PDC: variants seen among roughly 807,000 people sequenced by gnomAD.
PDC encodes phosducin, also known as 33 kDa phototransducing protein.
A neutral mutation model predicts 22.2 loss-of-function variants in PDC; 19 were observed. That is an observed-to-expected ratio of 0.86 (90% CI 0.60 to 1.26). PDC has a LOEUF of 1.26. Among genes scored for constraint, PDC ranks in the 50% most tolerant of loss-of-function variants. The pLI is 0.00. For missense variants in PDC, 274 were observed against 286.8 expected (o/e 0.96, Z 0.32); for synonymous variants, 97 against 96.2 (o/e 1.01, Z -0.05).
intron 1 of PDC, among the ~76,000 whole-genome samples, chr1:186,455,994 A>AAAAAAAAAAAAAAT (rs1553242743): frequency 1.3e-5 from 1 of 77,092 alleles, no homozygotes; most frequent in African/African-American, 6.9e-5. Flanking sequence ...AAAAAAAAAA[A>AAAAAAAAAAAAAAT]ATATATATAT....
In PDC at chr1:186,443,968, A is replaced by G. The variant is rs776292104; in HGVS notation, c.*11T>C. ...TAAAGGATAAACATGAGATATTGAC[A>G]TAGTGAATCTTCATTCAACATCTTC... On this transcript the variant is annotated 3_prime_UTR_variant, in exon 4 of 4. Transcript: ENST00000391997. 8 of 1,579,586 alleles carry G rather than the reference A, an allele frequency of 5.1e-6. No homozygotes were observed. The highest frequency in any genetic ancestry group is 2.2e-5 in the East Asian group (1 of 44,712).
chr1:186,444,857 T>G (rs1662189492), intron 3 of PDC, among the ~76,000 whole-genome samples: 1 of 152,188 alleles, frequency 6.6e-6, no homozygotes, highest in Non-Finnish European at 1.5e-5. Flanking sequence ...GTTCATCAGA[T>G]CATCCAAGAG....
intron 1 of PDC, among the ~76,000 whole-genome samples, chr1:186,453,313 G>A (rs1266102064): frequency 6.6e-6 from 1 of 152,122 alleles, no homozygotes; most frequent in Non-Finnish European, 1.5e-5. Flanking sequence ...TACAAAGGAA[G>A]TGAGTAAAAT....
chr1:186,445,397 G>A (rs1173940751), intron 3 of PDC, among the ~76,000 whole-genome samples: 3 of 152,144 alleles, frequency 2.0e-5, no homozygotes, highest in Non-Finnish European at 4.4e-5. Flanking sequence ...TTTTACAGAA[G>A]ACACTGAGAT....
chr1:186,448,538 A>C, intron 2 of PDC: 19 of 184,886 alleles, frequency 1.0e-4, no homozygotes, highest in Non-Finnish European at 1.9e-4. Context: ...GACAGCAGAT[A>C]TTTCCTTCCT....
intron 3 of PDC, 101 bp from the exon 4 acceptor site, chr1:186,444,607 T>C (rs1662183441): frequency 1.9e-5 from 14 of 735,142 alleles, no homozygotes; most frequent in Non-Finnish European, 2.8e-5. Flanking sequence ...TGCTCTTTTT[T>C]TTCTGCCTGG....
In PDC at chr1:186,456,107, A is replaced by G. The variant is rs12757341; in HGVS notation, c.-25+4952T>C. Among the ~76,000 whole-genome samples, 12 of 148,790 alleles carry G rather than the reference A, an allele frequency of 8.1e-5. No individual in the cohort carries two copies. The South Asian group carries it at 2.5e-3, about 31-fold the overall frequency. Reference sequence around the variant, plus strand: ...CCAGTTACTGGCTTGTTTTGATGTTAAGGAAAATAATAGTATTCTATACTA... The same window carrying G: ...CCAGTTACTGGCTTGTTTTGATGTTGAGGAAAATAATAGTATTCTATACTA... On this transcript the variant is annotated intron_variant, in intron 1 of 3. Transcript: ENST00000391997.
intron 2 of PDC, among the ~76,000 whole-genome samples, chr1:186,448,058 C>A (rs780160480): frequency 1.3e-5 from 2 of 152,070 alleles, no homozygotes; most frequent in Non-Finnish European, 2.9e-5. Context: ...ACTGTTTAAT[C>A]GTGATCTACA....
Position 186,444,504 on chromosome 1 carries a change from C to T in PDC, c.216G>A (p.Met72Ile), listed in dbSNP as rs1662179537. 5 of 1,566,124 alleles carry T rather than the reference C, an allele frequency of 3.2e-6. No homozygotes were observed. The highest frequency in any genetic ancestry group is 2.2e-5 in the East Asian group (1 of 44,614). The change falls in exon 4 of 4, where the codon ATG (methionine) becomes ATA (isoleucine). Residue 72 changes from methionine (M) to isoleucine (I), a missense_variant and splice_region_variant. By Grantham distance (10) the Met-to-Ile change is conservative. Transcript: ENST00000391997. ...GGATTAGTTCATATTCTTGAATGCT[C>T]ATCTGAGAATAAAGAAATGATAGAA... Reference protein sequence around the residue: ...KDSKERVSRKMSIQEYELIHK... With the variant: ...KDSKERVSRKISIQEYELIHK...
Position 186,443,576 on chromosome 1 carries a change from A to G in PDC, c.*403T>C, listed in dbSNP as rs577983118. Reference sequence around the variant, plus strand: ...GCTTGAGAAAGAATAGACTTCAAATAGAAAATTTATTTTCTCATGAGATTT... The same window carrying G: ...GCTTGAGAAAGAATAGACTTCAAATGGAAAATTTATTTTCTCATGAGATTT... On this transcript the variant is annotated 3_prime_UTR_variant, in exon 4 of 4. Coordinates refer to ENST00000391997, the MANE Select transcript of PDC (RefSeq NM_002597.5). The G allele has an allele frequency of 1.2e-3, 196 of 157,476 alleles. No homozygotes were observed. The highest frequency in any genetic ancestry group is 4.5e-3 in the African/African-American group (189 of 41,682). The allele number at this position is 157,476 out of a possible 1,614,324, so 9.8% of individuals were successfully genotyped here. A position where few individuals can be genotyped will look rare whatever the true frequency, so the allele number is the denominator to read the frequency against.
At chr1:186,449,553 A>ATCTCT in intron 1 of PDC, 70 bp from the exon 2 acceptor site, 2 of 725,818 alleles carry the variant, frequency 2.8e-6, no homozygotes, top group Non-Finnish European at 4.8e-6. Context: ...TATAGAGATA[A>ATCTCT]ATATATAGGT....
chr1:186,443,910 A>G lies in PDC; in HGVS notation c.*69T>C, dbSNP rs1039720360. ...CCCATACTCTGTGTTCACTAAAGCA[A>G]TATAGATACTACCAAAACCATCATC... is the stretch of plus-strand genomic sequence containing the variant. On this transcript the variant is annotated 3_prime_UTR_variant, in exon 4 of 4. Coordinates refer to ENST00000391997, the MANE Select transcript of PDC (RefSeq NM_002597.5). The G allele has an allele frequency of 6.9e-6, 8 of 1,160,482 alleles. No homozygotes were observed. Among genetic ancestry groups the G allele is most frequent in the Non-Finnish European group, 1.0e-5 (8 of 796,958 alleles). 71.9% of individuals were successfully genotyped at this position (1,160,482 alleles called of 1,614,324 possible). A position where few individuals can be genotyped will look rare whatever the true frequency, so the allele number is the denominator to read the frequency against.
chr1:186,456,820 A>C (rs1025728494), intron 1 of PDC, among the ~76,000 whole-genome samples: 1 of 152,202 alleles, frequency 6.6e-6, no homozygotes, highest in Non-Finnish European at 1.5e-5. Flanking sequence ...TACGGAAGTG[A>C]AATGCCTCTT....
chr1:186,455,990 A>C lies in PDC; in HGVS notation c.-25+5069T>G, dbSNP rs1662458413. On this transcript the variant is annotated intron_variant, in intron 1 of 3. Transcript: ENST00000391997. ...CCGTCTCAAAAAAAAAAAAAAAAAA[A>C]AAAAATATATATATATATATATATA... 3.3e-5 allele frequency among the ~76,000 whole-genome samples: 3 copies of C among 89,786 alleles called. 1 individual carries two copies. The highest frequency in any genetic ancestry group is 1.7e-4 in the African/African-American group (3 of 17,316). 58.9% of individuals were successfully genotyped at this position (89,786 alleles called of 152,430 possible). A position where few individuals can be genotyped will look rare whatever the true frequency, so the allele number is the denominator to read the frequency against.
At position 186,448,467 on chromosome 1, in the gene PDC, C is replaced by T. The variant is rs147246273; in HGVS notation, c.61+932G>A. ...GAAACTGACACTGTCAACTGAGTTG[C>T]AAATGTTTTTCCCCAATTTGTTAAA... On this transcript the variant is annotated intron_variant, in intron 2 of 3. Transcript: ENST00000391997. Among the ~76,000 whole-genome samples the T allele has an allele frequency of 1.4e-4, 22 of 152,196 alleles. No homozygotes were observed. The East Asian group carries it at 4.0e-3, about 28-fold the overall frequency.
intron 1 of PDC, among the ~76,000 whole-genome samples, chr1:186,452,786 C>G (rs921813703): frequency 1.4e-4 from 22 of 152,080 alleles, no homozygotes; most frequent in African/African-American, 4.8e-4. Context: ...TGGGTAAGCA[C>G]ATCTTTGTGT....
intron 2 of PDC, among the ~76,000 whole-genome samples, chr1:186,448,196 A>G (rs1294454083): frequency 6.6e-6 from 1 of 152,214 alleles, no homozygotes; most frequent in Non-Finnish European, 1.5e-5. Flanking sequence ...GGGCATATAC[A>G]TTACTAATTT....
rs544705778 is a variant in PDC, at chr1:186,443,894, T to G, written c.*85A>C. On this transcript the variant is annotated 3_prime_UTR_variant, in exon 4 of 4. Coordinates refer to ENST00000391997, the MANE Select transcript of PDC (RefSeq NM_002597.5). ...AGTTAGCATAGCCGTGCCCATACTC[T>G]GTGTTCACTAAAGCAATATAGATAC... 10 of 954,060 alleles carry G rather than the reference T, an allele frequency of 1.0e-5. No homozygotes were observed. The South Asian group carries it at 1.4e-4, about 14-fold the overall frequency. The allele number at this position is 954,060 out of a possible 1,614,324, so 59.1% of individuals were successfully genotyped here.
At chr1:186,455,828 C>T (rs1331436586) in intron 1 of PDC, among the ~76,000 whole-genome samples, 13 of 106,678 alleles carry the variant, frequency 1.2e-4, no homozygotes, top group African/African-American at 4.8e-4. Flanking sequence ...AAAAATTAGC[C>T]GGGCGTGGTG....
Sources: gnomAD v4.1 joint callset for allele counts (sites outside exome capture counted in the v4.1 genomes callset) on GRCh38, gnomAD v4.1.1 for gene constraint, MANE v1.5 for transcripts, NCBI Gene and HGNC (gene_info 2026-07-23, HGNC 2026-07-21) for gene names.